Variants in HMGA2 observed in about 807,000 individuals in gnomAD.
The protein encoded by HMGA2 is high mobility group AT-hook 2.
Under a neutral mutation model 19.1 loss-of-function variants are expected in HMGA2, and 8 were observed. The ratio of observed to expected loss-of-function variants is 0.42; its 90% confidence interval spans 0.25 to 0.76. The LOEUF (loss-of-function observed/expected upper bound fraction) is 0.76, where lower values mean the gene tolerates loss of function less well. Among genes scored for constraint, HMGA2 ranks in the 30% least tolerant of loss-of-function variants. HMGA2 has a pLI of 0.28. For synonymous variants in HMGA2, 60 were observed against 48.8 expected (o/e 1.23, Z -0.96); for missense variants, 109 against 136.3 (o/e 0.80, Z 1.00).
At chr12:65,933,602 AT>A (rs1464390831) in intron 3 of HMGA2, among the ~76,000 whole-genome samples, 1 of 152,230 alleles carries the variant, frequency 6.6e-6, no homozygotes, top group Non-Finnish European at 1.5e-5. Flanking sequence ...TATTTAAAAA[AT>A]TTACCAAACT....
At chr12:65,916,137 C>T (rs1197192224) in intron 3 of HMGA2, among the ~76,000 whole-genome samples, 2 of 152,226 alleles carry the variant, frequency 1.3e-5, no homozygotes, top group Admixed American at 6.5e-5. Context: ...TAAGGGAGTG[C>T]AGTGGACCAT....
At chr12:65,951,596 T>C (rs1387340359) in intron 4 of HMGA2, 181 bp downstream of exon 4, 4 of 530,224 alleles carry the variant, frequency 7.5e-6, no homozygotes, top group East Asian at 3.1e-5. Flanking sequence ...AATCGTACCA[T>C]GAAAACCTCC....
At chr12:65,903,640 G>A (rs1041229432) in intron 3 of HMGA2, among the ~76,000 whole-genome samples, 1 of 151,904 alleles carries the variant, frequency 6.6e-6, no homozygotes, top group Non-Finnish European at 1.5e-5. Flanking sequence ...TTTTTTTTTA[G>A]GTTAAATGTT....
chr12:65,964,081 A>G lies in HMGA2; in HGVS notation c.*789A>G, dbSNP rs1033000029. ...ACAACACTTCATTTTCAGGAAATCT[A>G]CTTCCTACAGAGCCAAAATGCCATT... On this transcript the variant is annotated 3_prime_UTR_variant, in exon 5 of 5. Coordinates refer to ENST00000403681, the MANE Select transcript of HMGA2 (RefSeq NM_003483.6). 1.5e-4 allele frequency: 31 copies of G among 205,006 alleles called. No individual in the cohort carries two copies. Among genetic ancestry groups the G allele is most frequent in the Non-Finnish European group, 2.8e-4 (28 of 100,158 alleles). 12.7% of individuals were successfully genotyped at this position (205,006 alleles called of 1,614,324 possible). A position where few individuals can be genotyped will look rare whatever the true frequency, so the allele number is the denominator to read the frequency against.
At chr12:65,858,001 T>A (rs1165833597) in intron 3 of HMGA2, 4 of 152,980 alleles carry the variant, frequency 2.6e-5, no homozygotes, top group Non-Finnish European at 5.9e-5. Flanking sequence ...TCTATAATGG[T>A]GCTTTAGCAA....
At chr12:65,900,335 C>T (rs916019387) in intron 3 of HMGA2, among the ~76,000 whole-genome samples, 14 of 152,230 alleles carry the variant, frequency 9.2e-5, no homozygotes, top group African/African-American at 3.4e-4. Context: ...CTAAATGGCA[C>T]GCTACTATTC....
At chr12:65,939,915 T>A (rs1876034495) in intron 3 of HMGA2, among the ~76,000 whole-genome samples, 2 of 152,202 alleles carry the variant, frequency 1.3e-5, no homozygotes, top group Admixed American at 6.5e-5. Context: ...GAAAGACTCG[T>A]ATGGCATCTG....
chr12:65,842,699 T>G, intron 3 of HMGA2: 1 of 1,522,952 alleles, frequency 6.6e-7, no homozygotes, highest in South Asian at 1.2e-5. Flanking sequence ...TGCCTCAAGA[T>G]GTACATACAG....
intron 2 of HMGA2, chr12:65,829,076 A>C (rs1047838086): frequency 1.3e-5 from 2 of 152,164 alleles, no homozygotes; most frequent in Non-Finnish European, 2.9e-5. Flanking sequence ...TGGGTACTCC[A>C]TGTACAGTAT....
At chr12:65,855,450 T>TCACACACACACA (rs1315312278) in intron 3 of HMGA2, among the ~76,000 whole-genome samples, 9 of 106,066 alleles carry the variant, frequency 8.5e-5, no homozygotes, top group African/African-American at 3.3e-4. Context: ...TCTCTCTCTC[T>TCACACACACACA]CTCTCTCTCA....
At chr12:65,835,776 C>T (rs1214989051) in intron 2 of HMGA2, among the ~76,000 whole-genome samples, 1 of 152,156 alleles carries the variant, frequency 6.6e-6, no homozygotes, top group Non-Finnish European at 1.5e-5. Context: ...ACATAACAAC[C>T]GTGCAGAAAA....
rs1372632653 is a variant in HMGA2 at position 65,825,897 on chromosome 12, C to A, written c.111+516C>A. 1 of 152,178 alleles carries A rather than the reference C, an allele frequency of 6.6e-6. No homozygotes were observed. Among genetic ancestry groups the A allele is most frequent in the Non-Finnish European group, 1.5e-5 (1 of 68,158 alleles). The allele number at this position is 152,178 out of a possible 1,614,324, so 9.4% of individuals were successfully genotyped here. Reference sequence around the variant, plus strand: ...GTCGGGGGCTGGCGCGCCGCAGCCGCCCCCTTGGCGCCCTCCTCCAAGCTC... The same window carrying A: ...GTCGGGGGCTGGCGCGCCGCAGCCGACCCCTTGGCGCCCTCCTCCAAGCTC... On this transcript the variant is annotated intron_variant, in intron 1 of 4. Coordinates refer to ENST00000403681, the MANE Select transcript of HMGA2 (RefSeq NM_003483.6). The surrounding 1 kb of genome is among the most constrained non-coding windows in gnomAD (Gnocchi z 4.4).
chr12:65,950,172 G>C (rs927304116), intron 3 of HMGA2, among the ~76,000 whole-genome samples: 1 of 152,130 alleles, frequency 6.6e-6, no homozygotes, highest in African/African-American at 2.4e-5. Flanking sequence ...GTGAAACAAA[G>C]AATTACAATA....
intron 2 of HMGA2, chr12:65,828,370 T>TG (rs1329874340): frequency 0.035 from 3,324 of 93,712 alleles, 50 homozygotes; most frequent in Middle Eastern, 0.059. Context: ...AGGAAGGGGT[T>TG]GCGGGGGGGG....
chr12:65,835,188 T>C (rs1870663205), intron 2 of HMGA2, among the ~76,000 whole-genome samples: 1 of 152,244 alleles, frequency 6.6e-6, no homozygotes, highest in Non-Finnish European at 1.5e-5. Flanking sequence ...TTGCATATGT[T>C]AAAACAAAAC....
intron 3 of HMGA2, among the ~76,000 whole-genome samples, chr12:65,864,609 A>G (rs527623913): frequency 6.6e-6 from 1 of 152,312 alleles, no homozygotes; most frequent in South Asian, 2.1e-4. Context: ...ATACTAGGAA[A>G]AAAAGGTTTA....
chr12:65,864,026 T>A (rs1872252418), intron 3 of HMGA2, among the ~76,000 whole-genome samples: 1 of 152,206 alleles, frequency 6.6e-6, no homozygotes, highest in Non-Finnish European at 1.5e-5. Flanking sequence ...TTAGAAGGGT[T>A]CCATGAATAT....
At chr12:65,878,683 T>G (rs1873191054) in intron 3 of HMGA2, among the ~76,000 whole-genome samples, 1 of 152,222 alleles carries the variant, frequency 6.6e-6, no homozygotes, top group Non-Finnish European at 1.5e-5. Flanking sequence ...TACTCTGGTT[T>G]CCAGAATTAG....
At chr12:65,952,403 T>TCTA in intron 4 of HMGA2, 1 of 1,534,808 alleles carries the variant, frequency 6.5e-7, no homozygotes, top group Admixed American at 2.0e-5. Context: ...ATCTTATATA[T>TCTA]CTACTGTTCT....
Sources: gnomAD v4.1 joint callset for allele counts (sites outside exome capture counted in the v4.1 genomes callset) on GRCh38, gnomAD v4.1.1 for gene constraint, Gnocchi (gnomAD v3.1) non-coding constraint, MANE v1.5 for transcripts, NCBI Gene and HGNC (gene_info 2026-07-23, HGNC 2026-07-21) for gene names.